The following CELF5 variants were observed in gnomAD, a reference collection of about 807,000 sequenced individuals.
CELF5 encodes CUG-BP and ETR-3 like factor 5.
In CELF5, 6 loss-of-function variants were observed where a neutral mutation model predicts 54.9. The observed-to-expected ratio is 0.11, with a 90% CI of 0.06 to 0.22. CELF5 has a LOEUF of 0.22. Ranked by LOEUF, CELF5 falls within the 10% of genes least tolerant of loss-of-function variation. The probability of loss-of-function intolerance (pLI) is 1.00; values close to 1 mark genes in which losing one functional copy is unlikely to be tolerated. For synonymous variants in CELF5, 271 were observed against 290.9 expected (o/e 0.93, Z 0.70); for missense variants, 401 against 678.6 (o/e 0.59, Z 4.54).
chr19:3,263,445 C>T (rs1266461907), intron 2 of CELF5, among the ~76,000 whole-genome samples: 5 of 149,162 alleles, frequency 3.4e-5, no homozygotes, highest in Admixed American at 3.3e-4. Flanking sequence ...CCTGTAATCA[C>T]AGCTACTCAG....
chr19:3,267,444 A>G (rs1456406595), intron 2 of CELF5, among the ~76,000 whole-genome samples: 1 of 152,216 alleles, frequency 6.6e-6, no homozygotes, highest in East Asian at 1.9e-4. Flanking sequence ...TGAGGCTCAG[A>G]TTCCAGGGGA....
intron 2 of CELF5, among the ~76,000 whole-genome samples, chr19:3,259,863 C>T (rs2079784241): frequency 1.3e-5 from 2 of 152,102 alleles, no homozygotes; most frequent in South Asian, 2.1e-4. Flanking sequence ...CTCCAGAGAA[C>T]GATCCGGCCC....
chr19:3,269,203 A>G (rs967738250), intron 2 of CELF5, among the ~76,000 whole-genome samples: 15 of 152,222 alleles, frequency 9.9e-5, no homozygotes, highest in African/African-American at 2.9e-4. Context: ...GAGACGGAGT[A>G]TCACTCTTAT....
intron 11 of CELF5, among the ~76,000 whole-genome samples, chr19:3,292,424 C>T (rs1004129712): frequency 3.3e-5 from 5 of 151,346 alleles, no homozygotes; most frequent in African/African-American, 1.2e-4. Flanking sequence ...GCTGGGATTA[C>T]GGGTGGACAC....
intron 1 of CELF5, among the ~76,000 whole-genome samples, chr19:3,229,164 G>A (rs1017670105): frequency 1.4e-5 from 2 of 144,036 alleles, no homozygotes; most frequent in African/African-American, 5.2e-5. Context: ...TGCAGAGCTG[G>A]GCATTTGGTG....
intron 1 of CELF5, among the ~76,000 whole-genome samples, chr19:3,235,088 C>T (rs79926321): frequency 0.018 from 2,690 of 152,270 alleles, 49 homozygotes; most frequent in South Asian, 0.048. Flanking sequence ...TCCCTCTGTT[C>T]CAGCCACACT....
intron 1 of CELF5, among the ~76,000 whole-genome samples, chr19:3,234,887 C>G (rs1311700877): frequency 2.0e-5 from 3 of 152,100 alleles, no homozygotes; most frequent in Non-Finnish European, 4.4e-5. Flanking sequence ...TGGCTCCCAC[C>G]TTCGCGCCCC....
At chr19:3,242,516 CA>C (rs1266555961) in intron 1 of CELF5, among the ~76,000 whole-genome samples, 2 of 151,486 alleles carry the variant, frequency 1.3e-5, no homozygotes, top group Admixed American at 6.6e-5. Context: ...ACTAAAAATA[CA>C]AAAAAATGGC....
Position 3,282,527 on chromosome 19 carries a change from G to C in CELF5, c.1039+29G>C. 1 of 1,594,628 alleles carries C rather than the reference G, an allele frequency of 6.3e-7. No individual in the cohort carries two copies. The stretch of plus-strand genomic sequence containing the variant: ...AATTGGGGTCGTCCTCTGGGGCCTA[G>C]GAGAGTGGTGGGGAATAAAGATGGT... On this transcript the variant is annotated intron_variant, in intron 8 of 12. Transcript: ENST00000292672. The surrounding 1 kb of genome is among the most constrained non-coding windows in gnomAD (Gnocchi z 5.2).
In CELF5 at chr19:3,224,724, C is replaced by T. The variant is rs988227495; in HGVS notation, c.-16C>T. 1 of 1,117,604 alleles carries T rather than the reference C, an allele frequency of 8.9e-7. No individual in the cohort carries two copies. The allele number at this position is 1,117,604 out of a possible 1,614,324, so 69.2% of individuals were successfully genotyped here. A position where few individuals can be genotyped will look rare whatever the true frequency, so the allele number is the denominator to read the frequency against. On this transcript the variant is annotated 5_prime_UTR_variant, in exon 1 of 13. Transcript: ENST00000292672. ...CCGCCCGCCGCCGCCGCCGCCGGCT[C>T]GGTCCCGCGCCCGCCATGGCCCGCC...
intron 1 of CELF5, among the ~76,000 whole-genome samples, chr19:3,247,718 A>G (rs986270671): frequency 6.6e-6 from 1 of 150,598 alleles, no homozygotes; most frequent in Non-Finnish European, 1.5e-5. Context: ...CCCAATTACA[A>G]TGTTTATTGT....
At chr19:3,249,539 C>T (rs944000396) in intron 1 of CELF5, among the ~76,000 whole-genome samples, 1 of 151,976 alleles carries the variant, frequency 6.6e-6, no homozygotes, top group Non-Finnish European at 1.5e-5. Context: ...CAATCACAGC[C>T]TCACTCTGGG....
At chr19:3,256,064 C>CAGAAAAAAAA (rs372488135) in intron 2 of CELF5, among the ~76,000 whole-genome samples, 5 of 139,604 alleles carry the variant, frequency 3.6e-5, no homozygotes, top group Admixed American at 7.3e-5. Flanking sequence ...GACCCTGTCT[C>CAGAAAAAAAA]AAAAAAAAAG....
intron 1 of CELF5, among the ~76,000 whole-genome samples, chr19:3,244,786 T>G (rs1261447632): frequency 6.9e-6 from 1 of 144,302 alleles, no homozygotes. Context: ...CGTGTGTGTA[T>G]GGTATTTGCA....
chr19:3,284,808 G>GT (rs1433733817), intron 8 of CELF5, 94 bp from the exon 9 acceptor site: 48 of 1,049,626 alleles, frequency 4.6e-5, no homozygotes, highest in Non-Finnish European at 6.5e-5. Context: ...GCTGGGCGGG[G>GT]TGTTTGTTGC....
chr19:3,290,576 T>A (rs1185897847), intron 11 of CELF5, among the ~76,000 whole-genome samples: 1 of 149,886 alleles, frequency 6.7e-6, no homozygotes, highest in Non-Finnish European at 1.5e-5. Flanking sequence ...TTTTTTTTTT[T>A]TTTTTGAGAC....
Position 3,282,468 on chromosome 19 carries a change from G to A in CELF5, c.1009G>A (p.Val337Ile), listed in dbSNP as rs140064848. 165 of 1,613,550 alleles carry A rather than the reference G, an allele frequency of 1.0e-4. No individual in the cohort carries two copies. The highest frequency in any genetic ancestry group is 1.3e-4 in the Non-Finnish European group (158 of 1,180,000). Residue 337 changes from valine to isoleucine, a missense_variant, in exon 8 of 13, where the codon GTC (valine) becomes ATC (isoleucine). Val to Ile is a conservative substitution (Grantham distance 29). Coordinates refer to ENST00000292672, the MANE Select transcript of CELF5 (RefSeq NM_021938.4). This position sits in a 1 kb window ranked among gnomAD's most constrained non-coding sequence, Gnocchi z 5.2. ...AGGTGGGCACCCTGCCCTGGAAACC[G>A]TCTATGCCAATGGCCTTGTGCCCTA... The part of the protein sequence containing the change: ...FPGGHPALET[V>I]YANGLVPYPA...
At position 3,281,177 on chromosome 19, in the gene CELF5, CT is replaced by C. The variant is rs763008354; in HGVS notation, c.604-21del. 3.1e-6 allele frequency: 5 copies of C among 1,596,838 alleles called. No homozygotes were observed. The African/African-American group carries it at 6.7e-5, about 21-fold the overall frequency. On this transcript the variant is annotated intron_variant, in intron 5 of 12. Transcript: ENST00000292672. This position sits in a 1 kb window ranked among gnomAD's most constrained non-coding sequence, Gnocchi z 6.5. Reference sequence around the variant, plus strand: ...GCTACCTCCCAGCCCGTTTCCCTCCCTGCTCGCCGCTGCCCCTGCAGGGAGC... The same window carrying C: ...GCTACCTCCCAGCCCGTTTCCCTCCCGCTCGCCGCTGCCCCTGCAGGGAGC...
intron 1 of CELF5, among the ~76,000 whole-genome samples, chr19:3,242,066 T>C (rs1383981625): frequency 6.6e-6 from 1 of 152,128 alleles, no homozygotes; most frequent in Non-Finnish European, 1.5e-5. Context: ...TGAACCACCA[T>C]GCCCGGCCCA....
Sources: allele counts gnomAD v4.1 joint callset (sites outside exome capture counted in the v4.1 genomes callset), GRCh38; gene constraint gnomAD v4.1.1; non-coding constraint Gnocchi (gnomAD v3.1); transcripts MANE v1.5; gene names NCBI Gene and HGNC (gene_info 2026-07-23, HGNC 2026-07-21).